The following NT5DC1 variants were observed in gnomAD, a reference collection of about 807,000 sequenced individuals.
The protein encoded by NT5DC1 is 5'-nucleotidase domain containing 1, also known as 5'-nucleotidase domain-containing protein 1.
Under a neutral mutation model 59.4 loss-of-function variants are expected in NT5DC1, and 42 were observed. The observed-to-expected ratio is 0.71, with a 90% CI of 0.55 to 0.92. The LOEUF (loss-of-function observed/expected upper bound fraction) is 0.92. Among genes scored for constraint, NT5DC1 ranks in the 40% least tolerant of loss-of-function variants. The pLI is 0.00. For synonymous variants in NT5DC1, 172 were observed against 188.1 expected (o/e 0.91, Z 0.70); for missense variants, 501 against 537.1 (o/e 0.93, Z 0.66).
chr6:116,149,013 T>C (rs1458387005), intron 6 of NT5DC1, among the ~76,000 whole-genome samples: 1 of 152,234 alleles, frequency 6.6e-6, no homozygotes, highest in Non-Finnish European at 1.5e-5. Context: ...TTGTAGACTT[T>C]CCTTGATGTT....
chr6:116,221,316 C>A, intron 7 of NT5DC1, 88 bp downstream of exon 7: 1 of 763,414 alleles, frequency 1.3e-6, no homozygotes. Flanking sequence ...TCAGCCATGA[C>A]CATATCATTA....
In NT5DC1 at chr6:116,121,047, G is replaced by A; in HGVS notation, c.529+3102G>A. 5 of 1,614,072 alleles carry A rather than the reference G, an allele frequency of 3.1e-6. 1 individual carries two copies. In the South Asian group the frequency reaches 5.5e-5, roughly 18 times the overall value. On this transcript the variant is annotated intron_variant, in intron 6 of 11. Transcript: ENST00000319550. Reference sequence around the variant, plus strand: ...CCTGTCTCACCTTTAGGGCCTGGGAGACCATGGCTACCCGGGATGCCTTTT... The same window carrying A: ...CCTGTCTCACCTTTAGGGCCTGGGAAACCATGGCTACCCGGGATGCCTTTT...
intron 6 of NT5DC1, among the ~76,000 whole-genome samples, chr6:116,184,048 G>A (rs184011066): frequency 5.3e-5 from 8 of 152,146 alleles, no homozygotes; most frequent in East Asian, 1.9e-4. Flanking sequence ...GTCATAGATG[G>A]TTTTTATTAC....
At chr6:116,208,885 TA>T (rs1781515221) in intron 6 of NT5DC1, among the ~76,000 whole-genome samples, 1 of 151,938 alleles carries the variant, frequency 6.6e-6, no homozygotes, top group African/African-American at 2.4e-5. Flanking sequence ...AATATACTAA[TA>T]GAGAACCCAG....
intron 6 of NT5DC1, among the ~76,000 whole-genome samples, chr6:116,124,193 A>G (rs1378054674): frequency 6.6e-6 from 1 of 152,124 alleles, no homozygotes; most frequent in African/African-American, 2.4e-5. Context: ...AGACAATTCT[A>G]TAAGTTTCAT....
intron 8 of NT5DC1, among the ~76,000 whole-genome samples, chr6:116,223,852 A>G (rs1002995882): frequency 6.6e-6 from 1 of 152,250 alleles, no homozygotes; most frequent in Non-Finnish European, 1.5e-5. Flanking sequence ...AAATAAATCC[A>G]GGATGGTTGG....
intron 6 of NT5DC1, among the ~76,000 whole-genome samples, chr6:116,220,710 G>A (rs775578547): frequency 6.6e-6 from 1 of 152,192 alleles, no homozygotes; most frequent in Non-Finnish European, 1.5e-5. Flanking sequence ...ATAATTAAAA[G>A]AGTATTTGTA....
chr6:116,101,297 GCTGGGGAATCGGTGATTT>G (rs1367031420), intron 1 of NT5DC1, among the ~76,000 whole-genome samples: 1 of 152,166 alleles, frequency 6.6e-6, no homozygotes, highest in East Asian at 1.9e-4. Flanking sequence ...GCAAGACCGG[GCTGGGGAATCGGTGATTT>G]CTAGGGCCGA....
At chr6:116,201,828 A>G (rs1185247083) in intron 6 of NT5DC1, among the ~76,000 whole-genome samples, 1 of 151,952 alleles carries the variant, frequency 6.6e-6, no homozygotes, top group Non-Finnish European at 1.5e-5. Flanking sequence ...TCATGATTAT[A>G]ATTATTGCCT....
At chr6:116,140,691 T>G (rs948959495) in intron 6 of NT5DC1, among the ~76,000 whole-genome samples, 2 of 152,136 alleles carry the variant, frequency 1.3e-5, no homozygotes, top group African/African-American at 4.8e-5. Flanking sequence ...CACAATAATG[T>G]TTTTCTTGCA....
chr6:116,113,454 G>A (rs73772253), intron 4 of NT5DC1, among the ~76,000 whole-genome samples: 7,691 of 152,184 alleles, frequency 0.051, 319 homozygotes, highest in African/African-American at 0.11. Flanking sequence ...TTGTTGAACT[G>A]GGCTCACTAA....
At chr6:116,168,200 T>C (rs1292589436) in intron 6 of NT5DC1, among the ~76,000 whole-genome samples, 1 of 151,888 alleles carries the variant, frequency 6.6e-6, no homozygotes, top group African/African-American at 2.4e-5. Flanking sequence ...GTTCTGCTCC[T>C]TTTCTCTTTT....
chr6:116,115,755 G>A lies in NT5DC1; in HGVS notation c.429G>A (p.Val143=), dbSNP rs202013663. The A allele has an allele frequency of 2.6e-5, 41 of 1,585,870 alleles. No homozygotes were observed. The highest frequency in any genetic ancestry group is 3.1e-5 in the Non-Finnish European group (36 of 1,154,670). ...GAGCTCTTCTGTGTGCCAGGGTGGT[G>A]GACTATTTAACAAAAGTAAGTGGGG... The part of the protein sequence containing the change: ...LPGALLCARV[V]DYLTKLNNGQ... The change falls in exon 5 of 12, where the codon GTG becomes GTA. Residue 143 remains valine, a synonymous_variant. Transcript: ENST00000319550.
intron 1 of NT5DC1, among the ~76,000 whole-genome samples, 189 bp downstream of exon 1, chr6:116,101,212 G>A (rs1778642886): frequency 6.6e-6 from 1 of 152,198 alleles, no homozygotes; most frequent in Admixed American, 6.5e-5. Context: ...CCGGTGCCGT[G>A]GGGACCGGCA....
chr6:116,221,090 A>G lies in NT5DC1; in HGVS notation c.566A>G (p.Asp189Gly). The stretch of plus-strand genomic sequence containing the variant: ...ATATATTTTCCAGAAATAAAAAGAG[A>G]TCCAGGCAGATATTTACATAGTTGT... ...CGIYFPEIKRDPGRYLHSCPE... is the reference protein window; with the variant it reads ...CGIYFPEIKRGPGRYLHSCPE... Residue 189 changes from aspartate to glycine, a missense_variant, in exon 7 of 12, where the codon GAT (aspartate) becomes GGT (glycine). By Grantham distance (94) the Asp-to-Gly change is moderately conservative. Transcript: ENST00000319550. 1 of 1,556,758 alleles carries G rather than the reference A, an allele frequency of 6.4e-7. No individual in the cohort carries two copies. Among genetic ancestry groups the G allele is most frequent in the Non-Finnish European group, 8.8e-7 (1 of 1,131,458 alleles).
intron 6 of NT5DC1, among the ~76,000 whole-genome samples, chr6:116,159,804 A>G (rs921081285): frequency 3.9e-5 from 6 of 152,120 alleles, no homozygotes; most frequent in Non-Finnish European, 2.9e-5. Context: ...GGAGTCCCCA[A>G]TATCTATTAT....
chr6:116,227,728 T>A (rs1204805), intron 8 of NT5DC1, among the ~76,000 whole-genome samples: 2 of 152,058 alleles, frequency 1.3e-5, no homozygotes, highest in East Asian at 3.9e-4. Context: ...TGTTGAGCAC[T>A]TTTTCGTATA....
intron 9 of NT5DC1, chr6:116,237,365 A>G (rs184710266): frequency 4.9e-5 from 27 of 554,544 alleles, no homozygotes; most frequent in Non-Finnish European, 8.6e-5. Flanking sequence ...TATGCTACAG[A>G]CTAGCTTAAA....
At chr6:116,201,015 A>G (rs1453716940) in intron 6 of NT5DC1, among the ~76,000 whole-genome samples, 1 of 151,988 alleles carries the variant, frequency 6.6e-6, no homozygotes, top group African/African-American at 2.4e-5. Flanking sequence ...GGAAGGTACT[A>G]TGGTAGCACC....
Sources: allele counts gnomAD v4.1 joint callset (sites outside exome capture counted in the v4.1 genomes callset), GRCh38; gene constraint gnomAD v4.1.1; transcripts MANE v1.5; gene names NCBI Gene and HGNC (gene_info 2026-07-23, HGNC 2026-07-21).